TENM4: variants seen among roughly 807,000 people sequenced by gnomAD.
The protein encoded by TENM4 is teneurin transmembrane protein 4, also known as teneurin-4.
A neutral mutation model predicts 243.3 loss-of-function variants in TENM4; 82 were observed. That is an observed-to-expected ratio of 0.34 (90% CI 0.28 to 0.40). The LOEUF is 0.40. Among genes scored for constraint, TENM4 ranks in the 10% least tolerant of loss-of-function variants. The probability of loss-of-function intolerance (pLI) is 1.00; values close to 1 mark genes in which losing one functional copy is unlikely to be tolerated. For synonymous variants in TENM4, 1,412 were observed against 1,456.3 expected (o/e 0.97, Z 0.69); for missense variants, 3,138 against 3,673.3 (o/e 0.85, Z 3.77).
Position 79,121,523 on chromosome 11 carries a change from G to A in TENM4, c.-66+27187C>T, listed in dbSNP as rs535847641. On this transcript the variant is annotated intron_variant, in intron 4 of 33. Transcript: ENST00000278550. ...TTATTTTAGGCATAAAGGACCATGC[G>A]GCGGAGTAGCCCAGCTCTTCCCTGG... is the stretch of plus-strand genomic sequence containing the variant. Among the ~76,000 whole-genome samples the A allele has an allele frequency of 2.2e-3, 331 of 152,254 alleles. 1 individual carries two copies. The highest frequency in any genetic ancestry group is 7.7e-3 in the African/African-American group (318 of 41,544).
At chr11:78,827,736 G>A (rs1220798833) in intron 12 of TENM4, among the ~76,000 whole-genome samples, 1 of 152,044 alleles carries the variant, frequency 6.6e-6, no homozygotes, top group African/African-American at 2.4e-5. Context: ...TGATCTGCCT[G>A]CCTCAGCCTC....
In TENM4 at chr11:78,794,836, G is replaced by A. The variant is rs371033671; in HGVS notation, c.2180-7753C>T. Among the ~76,000 whole-genome samples, 5 of 152,268 alleles carry A rather than the reference G, an allele frequency of 3.3e-5. No individual in the cohort carries two copies. The South Asian group carries it at 1.0e-3, about 32-fold the overall frequency. ...GAAGAAAAAGAGCAAAACTAGAGGAGCAGGCTTTATGGTTAGAAAAGAATT... is the reference window on the plus strand; with the variant it reads ...GAAGAAAAAGAGCAAAACTAGAGGAACAGGCTTTATGGTTAGAAAAGAATT... On this transcript the variant is annotated intron_variant, in intron 15 of 33. Coordinates refer to ENST00000278550, the MANE Select transcript of TENM4 (RefSeq NM_001098816.3).
chr11:79,342,455 G>A (rs1565307448), intron 1 of TENM4, among the ~76,000 whole-genome samples: 1 of 152,152 alleles, frequency 6.6e-6, no homozygotes, highest in African/African-American at 2.4e-5. Context: ...CGAAGAGGGT[G>A]GGAGGGATGG....
At chr11:78,927,001 G>GT (rs953117491) in intron 6 of TENM4, among the ~76,000 whole-genome samples, 4 of 152,306 alleles carry the variant, frequency 2.6e-5, no homozygotes, top group South Asian at 2.1e-4. Context: ...ACCAAAATAT[G>GT]TTTTTTGTAC....
At chr11:79,414,538 C>T (rs1858772352) in intron 1 of TENM4, among the ~76,000 whole-genome samples, 1 of 152,210 alleles carries the variant, frequency 6.6e-6, no homozygotes, top group South Asian at 2.1e-4. Context: ...AGAAGGGTAT[C>T]AACCTGCTGC....
intron 2 of TENM4, among the ~76,000 whole-genome samples, chr11:79,269,910 C>G (rs1185859142): frequency 6.6e-6 from 1 of 152,146 alleles, no homozygotes; most frequent in Non-Finnish European, 1.5e-5. Context: ...GCAGGATTAA[C>G]TACTTCTGGG....
At chr11:78,869,891 C>T (rs1859080841) in intron 9 of TENM4, among the ~76,000 whole-genome samples, 2 of 152,246 alleles carry the variant, frequency 1.3e-5, no homozygotes, top group East Asian at 1.9e-4. Flanking sequence ...TGTTAAGAGG[C>T]TTTTTTCTCA....
intron 6 of TENM4, among the ~76,000 whole-genome samples, chr11:78,981,487 A>C (rs1375288776): frequency 1.3e-5 from 2 of 152,178 alleles, no homozygotes; most frequent in Non-Finnish European, 2.9e-5. Flanking sequence ...TATGTGTCTC[A>C]GTTGGAAGAT....
rs369584807 is a variant in TENM4 at position 79,327,016 on chromosome 11, G to T, written c.-320-29473C>A. Among the ~76,000 whole-genome samples, 53 of 152,360 alleles carry T rather than the reference G, an allele frequency of 3.5e-4. 1 individual carries two copies. In the East Asian group the frequency reaches 0.01, roughly 29 times the overall value. On this transcript the variant is annotated intron_variant, in intron 1 of 33. Transcript: ENST00000278550. ...TCTCTCTCCCTTTAATGCTCTGGCT[G>T]CAGAAAGAGCTCAATTAAATATATG...
chr11:78,728,356 A>G (rs1444639585), intron 22 of TENM4, among the ~76,000 whole-genome samples: 2 of 151,986 alleles, frequency 1.3e-5, no homozygotes, highest in African/African-American at 4.8e-5. Context: ...TTTTTGACTC[A>G]CAGAGTATAA....
chr11:78,935,112 C>T (rs896836067), intron 6 of TENM4, among the ~76,000 whole-genome samples: 1 of 146,128 alleles, frequency 6.8e-6, no homozygotes, highest in Non-Finnish European at 1.5e-5. Context: ...CCCGGGTTCA[C>T]GCCATTCTCC....
intron 1 of TENM4, among the ~76,000 whole-genome samples, chr11:79,420,817 C>CA (rs2135589387): frequency 6.6e-6 from 1 of 152,248 alleles, no homozygotes; most frequent in East Asian, 1.9e-4. Context: ...TGGGATGGGA[C>CA]AGAGGTAGGA....
intron 6 of TENM4, among the ~76,000 whole-genome samples, chr11:79,026,719 C>T (rs2136832031): frequency 6.6e-6 from 1 of 152,318 alleles, no homozygotes; most frequent in Middle Eastern, 3.4e-3. Flanking sequence ...GATTCAATCA[C>T]TCCTTGTTAG....
At chr11:78,746,747 C>T (rs1032889509) in intron 19 of TENM4, among the ~76,000 whole-genome samples, 1 of 152,212 alleles carries the variant, frequency 6.6e-6, no homozygotes, top group Non-Finnish European at 1.5e-5. Flanking sequence ...TGCCTGGGGA[C>T]ATGGGATATG....
chr11:79,029,917 C>T (rs1332733237), intron 6 of TENM4, among the ~76,000 whole-genome samples: 1 of 152,168 alleles, frequency 6.6e-6, no homozygotes, highest in African/African-American at 2.4e-5. Context: ...TGAACTTGAT[C>T]TGCTGAACAG....
At chr11:79,283,470 A>G (rs1206646608) in intron 2 of TENM4, among the ~76,000 whole-genome samples, 1 of 152,194 alleles carries the variant, frequency 6.6e-6, no homozygotes, top group Non-Finnish European at 1.5e-5. Context: ...AAACCACACG[A>G]TTATGTCATT....
rs543438787 is a variant in TENM4 at position 78,837,771 on chromosome 11, T to C, written c.1681+16333A>G. Among the ~76,000 whole-genome samples the C allele has an allele frequency of 2.6e-5, 4 of 152,330 alleles. No homozygotes were observed. The South Asian group carries it at 8.3e-4, about 32-fold the overall frequency. ...TCTCTTGGACTGAAAATTATAAGCA[T>C]TTTCCCATAGTTCAGACTTTTATGA... On this transcript the variant is annotated intron_variant, in intron 12 of 33. Transcript: ENST00000278550.
intron 2 of TENM4, among the ~76,000 whole-genome samples, chr11:79,266,108 C>T (rs1855880046): frequency 1.3e-5 from 2 of 152,190 alleles, no homozygotes; most frequent in Non-Finnish European, 2.9e-5. Context: ...TGACTGTGAT[C>T]CTTTGACCAG....
chr11:79,371,532 C>A (rs1857786646), intron 1 of TENM4, among the ~76,000 whole-genome samples: 1 of 152,192 alleles, frequency 6.6e-6, no homozygotes, highest in Non-Finnish European at 1.5e-5. Context: ...ATCCTCACAG[C>A]CCCCATGGGC....
Sources: gnomAD v4.1 joint callset for allele counts (sites outside exome capture counted in the v4.1 genomes callset) on GRCh38, gnomAD v4.1.1 for gene constraint, MANE v1.5 for transcripts, NCBI Gene and HGNC (gene_info 2026-07-23, HGNC 2026-07-21) for gene names.